HDAC9: variants seen among roughly 807,000 people sequenced by gnomAD.
HDAC9 encodes the protein MEF-2 interacting transcription repressor (MITR) protein.
In HDAC9, 41 loss-of-function variants were observed where a neutral mutation model predicts 139.4. The ratio of observed to expected loss-of-function variants is 0.29; its 90% CI spans 0.23 to 0.38. The LOEUF is 0.38. Ranked by LOEUF, HDAC9 falls within the 10% of genes least tolerant of loss-of-function variation. The pLI is 1.00. For missense variants in HDAC9, 1,147 were observed against 1,297.0 expected, an observed-to-expected ratio of 0.88 and a Z score of 1.78; for synonymous variants, 517 against 476.2, an observed-to-expected ratio of 1.09 and a Z score of -1.12.
intron 13 of HDAC9, among the ~76,000 whole-genome samples, chr7:18,746,671 T>G (rs1788001290): frequency 6.6e-6 from 1 of 152,178 alleles, no homozygotes; most frequent in Non-Finnish European, 1.5e-5. Flanking sequence ...GACCTATTTT[T>G]GGGATACATT....
At chr7:18,203,952 G>C (rs1791312553) in intron 2 of HDAC9, among the ~76,000 whole-genome samples, 1 of 152,116 alleles carries the variant, frequency 6.6e-6, no homozygotes, top group African/African-American at 2.4e-5. Context: ...CCAAAGCTAT[G>C]TATGAGCTTT....
intron 23 of HDAC9, among the ~76,000 whole-genome samples, chr7:18,946,188 C>T (rs1232897701): frequency 6.6e-6 from 1 of 150,558 alleles, no homozygotes; most frequent in Non-Finnish European, 1.5e-5. Flanking sequence ...ACTGTCTTAA[C>T]TACTGTAGTT....
Position 18,766,724 on chromosome 7 carries a change from A to G in HDAC9, c.2165-382A>G, listed in dbSNP as rs930669863. Among the ~76,000 whole-genome samples the G allele has an allele frequency of 4.6e-5, 7 of 152,310 alleles. 1 individual carries two copies. The highest frequency in any genetic ancestry group is 3.9e-4 in the Admixed American group (6 of 15,282). On this transcript the variant is annotated intron_variant, in intron 15 of 25. Transcript: ENST00000686413. ...TAAACCTTGTAGCTCAAAACATCCC[A>G]TTGAATGAATATACTCAGTGAAGAG...
chr7:18,532,050 A>T (rs1456327056), intron 2 of HDAC9, among the ~76,000 whole-genome samples: 1 of 152,134 alleles, frequency 6.6e-6, no homozygotes, highest in African/African-American at 2.4e-5. Flanking sequence ...GGAGTTTGAG[A>T]CCAGACTGGC....
At chr7:18,262,875 CA>C (rs1161016689) in intron 2 of HDAC9, among the ~76,000 whole-genome samples, 1 of 151,624 alleles carries the variant, frequency 6.6e-6, no homozygotes, top group Non-Finnish European at 1.5e-5. Flanking sequence ...ATAGAAATAA[CA>C]AGGGAATTAA....
At chr7:18,189,116 G>A (rs1353238129) in intron 2 of HDAC9, among the ~76,000 whole-genome samples, 1 of 152,110 alleles carries the variant, frequency 6.6e-6, no homozygotes, top group African/African-American at 2.4e-5. Context: ...ATGATAGACT[G>A]GCTAAAGAAA....
At chr7:18,444,429 T>C (rs1792102699) in intron 1 of HDAC9, among the ~76,000 whole-genome samples, 1 of 151,790 alleles carries the variant, frequency 6.6e-6, no homozygotes, top group Admixed American at 6.6e-5. Flanking sequence ...TCAGTTTGTA[T>C]TTTCTACACA....
chr7:18,207,014 C>G (rs1026392451), intron 2 of HDAC9, among the ~76,000 whole-genome samples: 37 of 150,842 alleles, frequency 2.5e-4, no homozygotes, highest in Admixed American at 2.1e-3. Flanking sequence ...TGGCTCACAG[C>G]AACCCCTGCC....
At chr7:18,742,125 C>T (rs183399895) in intron 13 of HDAC9, among the ~76,000 whole-genome samples, 4 of 152,256 alleles carry the variant, frequency 2.6e-5, no homozygotes, top group Non-Finnish European at 4.4e-5. Context: ...CAGAGTTTGA[C>T]AGGATTACCT....
chr7:18,749,169 T>A, intron 14 of HDAC9, 31 bp downstream of exon 14: 1 of 1,608,652 alleles, frequency 6.2e-7, no homozygotes, highest in Non-Finnish European at 8.5e-7. Context: ...CTCTTTTACT[T>A]ACTTAAATAA....
chr7:18,965,184 A>G (rs1456797798), intron 24 of HDAC9, among the ~76,000 whole-genome samples: 1 of 152,220 alleles, frequency 6.6e-6, no homozygotes, highest in East Asian at 1.9e-4. Flanking sequence ...ATGCTTGCTA[A>G]GAAAACTGGA....
chr7:19,001,276 T>G lies in HDAC9; in HGVS notation c.*5214T>G, dbSNP rs968955749. ...GAAAAGGAGAAACTTTAAATCAGTA[T>G]GTTTTGAAAGGAAGAGATTTCCAGA... is the stretch of plus-strand genomic sequence containing the variant. On this transcript the variant is annotated 3_prime_UTR_variant, in exon 26 of 26. Transcript: ENST00000686413. 1 of 152,148 alleles carries G rather than the reference T, an allele frequency of 6.6e-6. No individual in the cohort carries two copies. The highest frequency in any genetic ancestry group is 2.4e-5 in the African/African-American group (1 of 41,458). The allele number at this position is 152,148 out of a possible 1,614,324, so 9.4% of individuals were successfully genotyped here.
intron 22 of HDAC9, among the ~76,000 whole-genome samples, chr7:18,910,498 T>G (rs1270130606): frequency 3.3e-5 from 5 of 151,970 alleles, no homozygotes; most frequent in African/African-American, 1.2e-4. Flanking sequence ...AGCAGGGAGT[T>G]TGACTTTCTC....
intron 1 of HDAC9, among the ~76,000 whole-genome samples, chr7:18,110,345 G>A (rs1172357281): frequency 6.6e-6 from 1 of 152,190 alleles, no homozygotes; most frequent in Non-Finnish European, 1.5e-5. Flanking sequence ...AGTCATAAAA[G>A]CTACAGAGTG....
chr7:18,408,257 C>T (rs1347298579), intron 1 of HDAC9, among the ~76,000 whole-genome samples: 1 of 152,036 alleles, frequency 6.6e-6, no homozygotes, highest in Non-Finnish European at 1.5e-5. Context: ...TATGTGTTGT[C>T]TTTTAAAAAA....
intron 6 of HDAC9, among the ~76,000 whole-genome samples, chr7:18,602,313 C>T (rs771334679): frequency 3.3e-5 from 5 of 151,934 alleles, no homozygotes; most frequent in Non-Finnish European, 7.4e-5. Flanking sequence ...TCTTTCATTT[C>T]TAATATTAGT....
intron 1 of HDAC9, among the ~76,000 whole-genome samples, chr7:18,127,570 G>C (rs973081761): frequency 3.3e-5 from 5 of 152,068 alleles, no homozygotes; most frequent in African/African-American, 1.2e-4. Flanking sequence ...GGTTTTCAAA[G>C]TGTCTAGTGA....
chr7:18,357,779 G>A (rs747235047), intron 1 of HDAC9, among the ~76,000 whole-genome samples: 4 of 152,056 alleles, frequency 2.6e-5, no homozygotes, highest in African/African-American at 9.7e-5. Flanking sequence ...AGCATGGCTT[G>A]TTGCAGAAAC....
intron 21 of HDAC9, among the ~76,000 whole-genome samples, chr7:18,853,518 C>G (rs951620358): frequency 6.6e-6 from 1 of 152,104 alleles, no homozygotes; most frequent in Non-Finnish European, 1.5e-5. Flanking sequence ...ATTTAATCCC[C>G]AAATCATGGT....
Sources: gnomAD v4.1 joint callset for allele counts (sites outside exome capture counted in the v4.1 genomes callset) on GRCh38, gnomAD v4.1.1 for gene constraint, MANE v1.5 for transcripts, NCBI Gene and HGNC (gene_info 2026-07-23, HGNC 2026-07-21) for gene names.